CASC3: variants seen among roughly 807,000 people sequenced by gnomAD.
The protein encoded by CASC3 is protein CASC3.
In CASC3, 30 loss-of-function variants were observed where a neutral mutation model predicts 80.5. The observed-to-expected ratio is 0.37, with a 90% CI of 0.28 to 0.51. The LOEUF (loss-of-function observed/expected upper bound fraction) is 0.51. CASC3 is among the 20% of genes least tolerant of loss of function. The pLI, the probability that CASC3 is intolerant of heterozygous loss-of-function variation, is 0.94. For missense variants in CASC3, 824 were observed against 922.2 expected, an observed-to-expected ratio of 0.89 and a Z score of 1.38; for synonymous variants, 312 against 333.6, an observed-to-expected ratio of 0.94 and a Z score of 0.70.
chr17:40,159,690 G>A (rs768414729), intron 3 of CASC3, among the ~76,000 whole-genome samples: 16 of 144,540 alleles, frequency 1.1e-4, no homozygotes, highest in Non-Finnish European at 2.4e-4. Context: ...GACTATAGGC[G>A]CACACCACCA....
At chr17:40,169,535 G>C in intron 12 of CASC3, 63 bp from the exon 13 acceptor site, 1 of 1,577,140 alleles carries the variant, frequency 6.3e-7, no homozygotes, top group Non-Finnish European at 8.6e-7. Flanking sequence ...TTCTGGGTGT[G>C]TTTCTCTGGA....
rs56186811 is a variant in CASC3 at position 40,169,742 on chromosome 17, C to CTTTT, written c.*41+108_*41+111dup. 95 of 96,518 alleles carry CTTTT rather than the reference C, an allele frequency of 9.8e-4. 10 individuals are homozygous for CTTTT. Among genetic ancestry groups the CTTTT allele is most frequent in the African/African-American group, 1.8e-3 (21 of 11,728 alleles). The allele number at this position is 96,518 out of a possible 1,614,324, so 6.0% of individuals were successfully genotyped here. ...ATAAACAAAAATCACTTAATTAATG[C>CTTTT]TTTTTTTTTTTTTTTTTTTTTTTTT... On this transcript the variant is annotated intron_variant, in intron 13 of 13. Transcript: ENST00000264645.
At chr17:40,169,523 T>G (rs1241036264) in intron 12 of CASC3, 75 bp from the exon 13 acceptor site, 1 of 1,574,824 alleles carries the variant, frequency 6.3e-7, no homozygotes, top group Non-Finnish European at 8.6e-7. Context: ...ATTTCCCTCA[T>G]TTTCTGGGTG....
In CASC3 at chr17:40,141,567, C is replaced by T; in HGVS notation, c.260-3C>T. The stretch of plus-strand genomic sequence containing the variant: ...TTTTCCACATATTTCTGTTTTATTT[C>T]AGCTGTTCTCTCGGATTATGAAAGT... On this transcript the variant is annotated splice_region_variant and splice_polypyrimidine_tract_variant and intron_variant, in intron 2 of 13. Coordinates refer to ENST00000264645, the MANE Select transcript of CASC3 (RefSeq NM_007359.5). The T allele has an allele frequency of 6.2e-7, 1 of 1,613,360 alleles. No homozygotes were observed.
intron 3 of CASC3, among the ~76,000 whole-genome samples, chr17:40,145,309 G>C (rs1435592851): frequency 1.3e-5 from 2 of 151,862 alleles, no homozygotes; most frequent in African/African-American, 4.8e-5. Context: ...GAGTAGCTGG[G>C]ACTACAGGTG....
intron 3 of CASC3, among the ~76,000 whole-genome samples, chr17:40,152,060 A>C (rs1263110120): frequency 6.6e-6 from 1 of 152,224 alleles, no homozygotes; most frequent in Admixed American, 6.5e-5. Context: ...TCACCTAGTT[A>C]ACCTTTTTGT....
chr17:40,150,407 AGT>A (rs942164271), intron 3 of CASC3, among the ~76,000 whole-genome samples: 4 of 97,712 alleles, frequency 4.1e-5, no homozygotes, highest in Admixed American at 1.0e-4. Context: ...AAAAAGTAAG[AGT>A]GTGTGCGTGT....
At chr17:40,141,158 C>T in intron 1 of CASC3, 49 bp from the exon 2 acceptor site, 2 of 1,575,052 alleles carry the variant, frequency 1.3e-6, no homozygotes, top group Non-Finnish European at 8.7e-7. Context: ...ATTGGGCTCC[C>T]CACCTCTGGA....
chr17:40,145,552 T>C (rs992771878), intron 3 of CASC3, among the ~76,000 whole-genome samples: 2 of 152,024 alleles, frequency 1.3e-5, no homozygotes, highest in Admixed American at 6.6e-5. Flanking sequence ...TAGGTGTGAC[T>C]GGAGCATTGT....
chr17:40,164,225 C>CATGG, intron 7 of CASC3, 59 bp downstream of exon 7: 1 of 1,293,388 alleles, frequency 7.7e-7, no homozygotes, highest in Non-Finnish European at 1.1e-6. Context: ...GGTTTAGGGG[C>CATGG]ATGGGACTTC....
Position 40,171,469 on chromosome 17 carries a change from T to C in CASC3, c.*1064T>C. The C allele has an allele frequency of 1.0e-6, 1 of 987,626 alleles. No individual in the cohort carries two copies. The highest frequency in any genetic ancestry group is 1.2e-6 in the Non-Finnish European group (1 of 830,972). The allele number at this position is 987,626 out of a possible 1,614,324, so 61.2% of individuals were successfully genotyped here. A position where few individuals can be genotyped will look rare whatever the true frequency, so the allele number is the denominator to read the frequency against. ...ATCCAGCAAGCAGTCTACCCTGTCC[T>C]TTGCAATTGCTCTTCTCCACGTCTT... is the stretch of plus-strand genomic sequence containing the variant. On this transcript the variant is annotated 3_prime_UTR_variant, in exon 14 of 14. Transcript: ENST00000264645.
At chr17:40,147,139 G>A (rs1954886518) in intron 3 of CASC3, among the ~76,000 whole-genome samples, 1 of 152,190 alleles carries the variant, frequency 6.6e-6, no homozygotes, top group Non-Finnish European at 1.5e-5. Flanking sequence ...AGGCTTAAAT[G>A]TGGGGGATGA....
At chr17:40,147,978 A>C (rs1988901650) in intron 3 of CASC3, among the ~76,000 whole-genome samples, 1 of 151,982 alleles carries the variant, frequency 6.6e-6, no homozygotes, top group South Asian at 2.1e-4. Context: ...TGATATGCGG[A>C]TGTCTTTCTG....
At chr17:40,161,610 C>T (rs1193025170) in intron 3 of CASC3, 143 bp from the exon 4 acceptor site, 1 of 701,530 alleles carries the variant, frequency 1.4e-6, no homozygotes, top group East Asian at 2.6e-5. Context: ...CCCCTGGAGG[C>T]AGAGGTTACA....
chr17:40,141,412 C>G, intron 2 of CASC3, 158 bp from the exon 3 acceptor site: 7 of 838,312 alleles, frequency 8.4e-6, no homozygotes, highest in Non-Finnish European at 1.2e-5. Flanking sequence ...GCAAGTTACC[C>G]TCTGAGCCTG....
chr17:40,151,081 T>C (rs145441391), intron 3 of CASC3, among the ~76,000 whole-genome samples: 14 of 152,192 alleles, frequency 9.2e-5, no homozygotes, highest in African/African-American at 3.1e-4. Flanking sequence ...TTCATTTATT[T>C]ATAAAGTGCA....
At chr17:40,141,011 T>G in intron 1 of CASC3, 196 bp from the exon 2 acceptor site, 1 of 636,590 alleles carries the variant, frequency 1.6e-6, no homozygotes. Context: ...GGAAAGCGGA[T>G]GTTTTATTCA....
intron 3 of CASC3, among the ~76,000 whole-genome samples, chr17:40,147,354 G>C (rs971512798): frequency 6.6e-6 from 1 of 152,094 alleles, no homozygotes; most frequent in Non-Finnish European, 1.5e-5. Context: ...AGGAGTCAAA[G>C]GAGGCCAGGT....
At position 40,171,602 on chromosome 17, in the gene CASC3, G is replaced by A. The variant is rs1039369368; in HGVS notation, c.*1197G>A. On this transcript the variant is annotated 3_prime_UTR_variant, in exon 14 of 14. Coordinates refer to ENST00000264645, the MANE Select transcript of CASC3 (RefSeq NM_007359.5). ...CTGGGCTTAAGGCCTAAGGAAGCCA[G>A]TCACCTTCTGGGCAAGGGCTCCTAT... 4.7e-5 allele frequency: 47 copies of A among 992,042 alleles called. No individual in the cohort carries two copies. Among genetic ancestry groups the A allele is most frequent in the Non-Finnish European group, 5.5e-5 (46 of 833,620 alleles). The allele number at this position is 992,042 out of a possible 1,614,324, so 61.5% of individuals were successfully genotyped here.
Sources: gnomAD v4.1 joint callset for allele counts (sites outside exome capture counted in the v4.1 genomes callset) on GRCh38, gnomAD v4.1.1 for gene constraint, MANE v1.5 for transcripts, NCBI Gene and HGNC (gene_info 2026-07-23, HGNC 2026-07-21) for gene names.